Variants in MUSK observed in about 807,000 individuals in gnomAD.
MUSK encodes muscle associated receptor tyrosine kinase.
A neutral mutation model predicts 88.7 loss-of-function variants in MUSK; 55 were observed. The ratio of observed to expected loss-of-function variants is 0.62; its 90% CI spans 0.50 to 0.78. The LOEUF (loss-of-function observed/expected upper bound fraction) is 0.78, where lower values mean the gene tolerates loss of function less well. Among genes scored for constraint, MUSK ranks in the 30% least tolerant of loss-of-function variants. The probability of loss-of-function intolerance (pLI) is 0.00; values close to 1 mark genes in which losing one functional copy is unlikely to be tolerated. For synonymous variants in MUSK, 387 were observed against 391.9 expected (o/e 0.99, Z 0.15); for missense variants, 1,015 against 1,074.3 (o/e 0.94, Z 0.77).
chr9:110,672,840 A>G (rs1226456235), intron 1 of MUSK, among the ~76,000 whole-genome samples: 1 of 152,188 alleles, frequency 6.6e-6, no homozygotes, highest in Non-Finnish European at 1.5e-5. Context: ...GTCATATGCG[A>G]GAGCCCATAA....
At chr9:110,703,324 G>T (rs1012338314) in intron 5 of MUSK, among the ~76,000 whole-genome samples, 2 of 152,066 alleles carry the variant, frequency 1.3e-5, no homozygotes, top group East Asian at 3.9e-4. Context: ...ATTACTTGAG[G>T]TCAGGAGTTC....
chr9:110,768,524 A>G (rs1033209088), intron 9 of MUSK, among the ~76,000 whole-genome samples: 1 of 152,178 alleles, frequency 6.6e-6, no homozygotes, highest in Non-Finnish European at 1.5e-5. Context: ...AATTAATCAG[A>G]CAATATTTCT....
intron 11 of MUSK, 85 bp downstream of exon 11, chr9:110,776,740 G>T: frequency 8.4e-7 from 1 of 1,189,980 alleles, no homozygotes; most frequent in Non-Finnish European, 1.2e-6. Flanking sequence ...ATTTCCTGAT[G>T]CCCAGAACAG....
intron 4 of MUSK, among the ~76,000 whole-genome samples, chr9:110,696,185 G>A (rs1014486620): frequency 6.6e-6 from 1 of 151,782 alleles, no homozygotes; most frequent in African/African-American, 2.4e-5. Context: ...GCTGAGGCAG[G>A]AGAATAACTT....
chr9:110,697,228 G>A (rs1337637969), intron 4 of MUSK, 97 bp from the exon 5 acceptor site: 3 of 1,271,894 alleles, frequency 2.4e-6, no homozygotes, highest in Non-Finnish European at 3.3e-6. Context: ...TATCTTTGAT[G>A]ATGATAATAG....
rs1345818179 is a variant in MUSK at position 110,703,199 on chromosome 9, T to C, written c.628+5733T>C. On this transcript the variant is annotated intron_variant, in intron 5 of 14. Coordinates refer to ENST00000374448, the MANE Select transcript of MUSK (RefSeq NM_005592.4). ...CATCATAGAAATTATAAAATAAGTA[T>C]GCTTAAAGTAATTAAAAATGCAAAA... Among the ~76,000 whole-genome samples the C allele has an allele frequency of 7.2e-5, 11 of 152,066 alleles. 2 individuals are homozygous for C. The highest frequency in any genetic ancestry group is 7.2e-4 in the Admixed American group (11 of 15,242).
intron 8 of MUSK, 47 bp downstream of exon 8, chr9:110,762,255 AG>A: frequency 7.3e-7 from 1 of 1,364,968 alleles, no homozygotes. Context: ...TTTGTTTTGT[AG>A]GGATTTCGTT....
chr9:110,790,279 T>C (rs769283451), intron 14 of MUSK, among the ~76,000 whole-genome samples: 30 of 149,796 alleles, frequency 2.0e-4, no homozygotes, highest in Non-Finnish European at 3.4e-4. Flanking sequence ...GCAGAGGAAA[T>C]GTAAGTGAGC....
chr9:110,765,572 G>T lies in MUSK; in HGVS notation c.921-2248G>T, dbSNP rs182618548. Among the ~76,000 whole-genome samples the T allele has an allele frequency of 2.2e-5, 3 of 136,298 alleles. No individual in the cohort carries two copies. The East Asian group carries it at 8.5e-4, about 38-fold the overall frequency. The allele number at this position is 136,298 out of a possible 152,430, so 89.4% of individuals were successfully genotyped here. ...TCAGAATAAAGACCCCAGATACAGG[G>T]AAAGCAATCCTTTTTTTCTGAGACA... is the stretch of plus-strand genomic sequence containing the variant. On this transcript the variant is annotated intron_variant, in intron 8 of 14. Coordinates refer to ENST00000374448, the MANE Select transcript of MUSK (RefSeq NM_005592.4).
chr9:110,682,796 A>T lies in MUSK; in HGVS notation c.202A>T (p.Ile68Phe), dbSNP rs1322165872. Reference protein sequence around the residue: ...EISWTRNKILIKLFDTRYSIR... With the variant: ...EISWTRNKILFKLFDTRYSIR... Reference sequence around the variant, plus strand: ...TTCCTGGACTAGAAATAAAATTCTCATTAAGTAAGTATTCCACATTTTAAT... The same window carrying T: ...TTCCTGGACTAGAAATAAAATTCTCTTTAAGTAAGTATTCCACATTTTAAT... Residue 68 changes from isoleucine (I) to phenylalanine (F), a missense_variant, in exon 2 of 15, where the codon ATT becomes TTT. Physicochemically the swap from Ile to Phe is conservative, Grantham distance 21. Transcript: ENST00000374448. The T allele has an allele frequency of 6.2e-7, 1 of 1,611,408 alleles. No homozygotes were observed. Among genetic ancestry groups the T allele is most frequent in the Non-Finnish European group, 8.5e-7 (1 of 1,178,258 alleles).
At chr9:110,789,462 G>A (rs1304101389) in intron 14 of MUSK, among the ~76,000 whole-genome samples, 1 of 152,196 alleles carries the variant, frequency 6.6e-6, no homozygotes, top group African/African-American at 2.4e-5. Flanking sequence ...TCCTTTAGTG[G>A]AGAGAGTGGG....
At chr9:110,699,107 G>A (rs562770087) in intron 5 of MUSK, among the ~76,000 whole-genome samples, 37 of 152,192 alleles carry the variant, frequency 2.4e-4, no homozygotes, top group African/African-American at 7.7e-4. Flanking sequence ...AATTATCACC[G>A]AACTCCATTA....
chr9:110,734,451 T>C (rs548156794), intron 6 of MUSK, 76 bp downstream of exon 6: 4 of 1,582,594 alleles, frequency 2.5e-6, no homozygotes, highest in Admixed American at 3.4e-5. Context: ...CATATAGTTG[T>C]AGTTACCCAG....
intron 2 of MUSK, among the ~76,000 whole-genome samples, chr9:110,683,270 T>G (rs764318402): frequency 6.6e-6 from 1 of 152,138 alleles, no homozygotes; most frequent in South Asian, 2.1e-4. Context: ...TTTAACATAA[T>G]GATCTCCAGT....
rs187680356 is a variant in MUSK, at chr9:110,772,615, A to G, written c.1185-3173A>G. ...TAAAGACTTAGTCTCTTCCATTAACATACAAAATTCATATATTTATGTTCA... is the reference window on the plus strand; with the variant it reads ...TAAAGACTTAGTCTCTTCCATTAACGTACAAAATTCATATATTTATGTTCA... On this transcript the variant is annotated intron_variant, in intron 9 of 14. Transcript: ENST00000374448. 3.9e-5 allele frequency among the ~76,000 whole-genome samples: 6 copies of G among 152,162 alleles called. No homozygotes were observed. In the East Asian group the frequency reaches 1.2e-3, roughly 29 times the overall value.
At chr9:110,734,559 T>A (rs2077004969) in intron 6 of MUSK, among the ~76,000 whole-genome samples, 184 bp downstream of exon 6, 1 of 152,128 alleles carries the variant, frequency 6.6e-6, no homozygotes, top group Admixed American at 6.6e-5. Flanking sequence ...AAGAGTTTGC[T>A]TCCTTCCATG....
In MUSK at chr9:110,805,039, G is replaced by A. The variant is rs143590769; in HGVS notation, c.*4051G>A. ...TTCATGTGCAACATTAATTTTGATG[G>A]TTGAATAGTATTATACAGATTTATC... On this transcript the variant is annotated 3_prime_UTR_variant, in exon 15 of 15. Coordinates refer to ENST00000374448, the MANE Select transcript of MUSK (RefSeq NM_005592.4). Among the ~76,000 whole-genome samples the A allele has an allele frequency of 6.6e-6, 1 of 151,946 alleles. No individual in the cohort carries two copies. Among genetic ancestry groups the A allele is most frequent in the East Asian group, 1.9e-4 (1 of 5,170 alleles).
chr9:110,675,562 C>CTTTTTTTT (rs10607243), intron 1 of MUSK, among the ~76,000 whole-genome samples: 8 of 61,624 alleles, frequency 1.3e-4, no homozygotes, highest in Admixed American at 2.5e-4. Flanking sequence ...ATAGTCTTCC[C>CTTTTTTTT]TTTTTTTTTT....
intron 5 of MUSK, among the ~76,000 whole-genome samples, chr9:110,724,330 A>G (rs2076855957): frequency 6.6e-6 from 1 of 151,912 alleles, no homozygotes; most frequent in South Asian, 2.1e-4. Context: ...ATGATTTGCC[A>G]CTGTAAATCT....
Sources: allele counts gnomAD v4.1 joint callset (sites outside exome capture counted in the v4.1 genomes callset), GRCh38; gene constraint gnomAD v4.1.1; transcripts MANE v1.5; gene names NCBI Gene and HGNC (gene_info 2026-07-23, HGNC 2026-07-21).